MYL7: variants seen among roughly 807,000 people sequenced by gnomAD.
The protein encoded by MYL7 is myosin light chain 7, also known as myosin regulatory light chain 2, atrial isoform.
MYL7 carries 27 observed loss-of-function variants against 22.5 expected under a neutral mutation model. The ratio of observed to expected loss-of-function variants is 1.20; its 90% confidence interval spans 0.89 to 1.66. MYL7 has a LOEUF of 1.66. Ranked by LOEUF, MYL7 falls within the 40% of genes most tolerant of loss-of-function variation. The pLI, the probability that MYL7 is intolerant of heterozygous loss-of-function variation, is 0.00. For synonymous variants in MYL7, 81 were observed against 84.4 expected (o/e 0.96, Z 0.22); for missense variants, 209 against 226.8 (o/e 0.92, Z 0.50).
chr7:44,140,829 TAGGGA>T (rs1420605080), intron 2 of MYL7, 42 bp from the exon 3 acceptor site: 1 of 1,586,256 alleles, frequency 6.3e-7, no homozygotes, highest in Non-Finnish European at 8.6e-7. Flanking sequence ...CCCCCAGCTC[TAGGGA>T]AGGTGGGAGG....
rs745844875 is a variant in MYL7 at position 44,139,603 on chromosome 7, C to T, written c.378-34G>A. The stretch of plus-strand genomic sequence containing the variant: ...TGAGGAGGGTCTGAGCAGGAGACTG[C>T]GGGGGAGTGACTGCACAGGGAAGGT... On this transcript the variant is annotated intron_variant, in intron 5 of 6. Coordinates refer to ENST00000223364, the MANE Select transcript of MYL7 (RefSeq NM_021223.3). The T allele has an allele frequency of 1.3e-4, 202 of 1,588,692 alleles. 1 individual carries two copies. Among genetic ancestry groups the T allele is most frequent in the African/African-American group, 2.7e-5 (2 of 74,038 alleles).
chr7:44,140,244 A>G, intron 4 of MYL7, 79 bp downstream of exon 4: 2 of 1,221,810 alleles, frequency 1.6e-6, no homozygotes, highest in South Asian at 1.2e-5. Flanking sequence ...GGTGGGGTTC[A>G]GGCAGGGTTC....
At position 44,139,089 on chromosome 7, in the gene MYL7, A is replaced by C. The variant is rs146127287; in HGVS notation, c.427-67T>G. 1.8e-4 allele frequency: 228 copies of C among 1,261,326 alleles called. 1 individual carries two copies. The East Asian group carries it at 5.3e-3, about 29-fold the overall frequency. 78.1% of individuals were successfully genotyped at this position (1,261,326 alleles called of 1,614,324 possible). Reference sequence around the variant, plus strand: ...CCCAGCCCGGCAGAGACCTCACCTGAGTCCTGTGGCCTTTCTGTCTGCCCC... The same window carrying C: ...CCCAGCCCGGCAGAGACCTCACCTGCGTCCTGTGGCCTTTCTGTCTGCCCC... On this transcript the variant is annotated intron_variant, in intron 6 of 6. Coordinates refer to ENST00000223364, the MANE Select transcript of MYL7 (RefSeq NM_021223.3).
rs763245152 is a variant in MYL7, at chr7:44,139,528, G to A, written c.419C>T (p.Pro140Leu). Residue 140 changes from proline to leucine, a missense_variant, in exon 6 of 7, where the codon CCA becomes CTA. Transcript: ENST00000223364. ...GGGGCTGGGCAGCCTCACCTCAGCT[G>A]GAGAGAACTTGTCTGCCTGGGTCAG... Reference protein sequence around the residue: ...LLLTQADKFSPAEVEQMFALT... With the variant: ...LLLTQADKFSLAEVEQMFALT... 19 of 1,613,122 alleles carry A rather than the reference G, an allele frequency of 1.2e-5. No individual in the cohort carries two copies. The highest frequency in any genetic ancestry group is 7.7e-5 in the South Asian group (7 of 90,968).
chr7:44,139,671 C>T (rs1287505255), intron 5 of MYL7, 102 bp from the exon 6 acceptor site: 2 of 1,567,878 alleles, frequency 1.3e-6, no homozygotes, highest in Non-Finnish European at 1.7e-6. Flanking sequence ...TTGGCTGCAC[C>T]CCAAAGAGCA....
At position 44,140,353 on chromosome 7, in the gene MYL7, A is replaced by C; in HGVS notation, c.268T>G (p.Phe90Val). 2 of 1,614,004 alleles carry C rather than the reference A, an allele frequency of 1.2e-6. No individual in the cohort carries two copies. The highest frequency in any genetic ancestry group is 1.7e-6 in the Non-Finnish European group (2 of 1,179,972). The change falls in exon 4 of 7, where the codon TTC becomes GTC. Residue 90 changes from phenylalanine to valine, a missense_variant. Physicochemically the swap from Phe to Val is conservative, Grantham distance 50. Coordinates refer to ENST00000223364, the MANE Select transcript of MYL7 (RefSeq NM_021223.3). ...AGCTTCTCCCCAAAGAGCGTGAGGAAGACGGTGAAGTTGATGGGGCCCTTG... is the reference window on the plus strand; with the variant it reads ...AGCTTCTCCCCAAAGAGCGTGAGGACGACGGTGAAGTTGATGGGGCCCTTG... ...EGKGPINFTV[F>V]LTLFGEKLNG...
At position 44,141,272 on chromosome 7, in the gene MYL7, C is replaced by T. The variant is rs192113493; in HGVS notation, c.3+31G>A. On this transcript the variant is annotated intron_variant, in intron 1 of 6. Transcript: ENST00000223364. Reference sequence around the variant, plus strand: ...GCCCAAAGGCCAGCACCTGGGAGACCGCTAGCCTTTCTTCCCCAGCAGGCA... The same window carrying T: ...GCCCAAAGGCCAGCACCTGGGAGACTGCTAGCCTTTCTTCCCCAGCAGGCA... The T allele has an allele frequency of 9.6e-4, 1,548 of 1,614,090 alleles. 11 individuals are homozygous for T. The South Asian group carries it at 0.01, about 11-fold the overall frequency.
chr7:44,140,006 G>A, intron 4 of MYL7, 146 bp from the exon 5 acceptor site: 1 of 791,022 alleles, frequency 1.3e-6, no homozygotes, highest in Non-Finnish European at 1.9e-6. Context: ...GGGGATCAGT[G>A]GGGCTGGGAA....
chr7:44,140,390 C>A lies in MYL7; in HGVS notation c.231G>T (p.Met77Ile), dbSNP rs1201091902. 6.2e-7 allele frequency: 1 copy of A among 1,613,842 alleles called. No individual in the cohort carries two copies. The highest frequency in any genetic ancestry group is 8.5e-7 in the Non-Finnish European group (1 of 1,179,990). Residue 77 changes from methionine (M) to isoleucine (I), a missense_variant, in exon 4 of 7, where the codon ATG (methionine) becomes ATT (isoleucine). Physicochemically the swap from Met to Ile is conservative, Grantham distance 10. Transcript: ENST00000223364. ...TGATGGGGCCCTTGCCCTCTTGCAG[C>A]ATGGCGTCCAGCTCCTCCTCTGGGA... is the stretch of plus-strand genomic sequence containing the variant. ...VSVPEEELDA[M>I]LQEGKGPINF... is the part of the protein sequence containing the mutation.
At position 44,138,972 on chromosome 7, in the gene MYL7, G is replaced by T; in HGVS notation, c.477C>A (p.Asp159Glu). ...LTPMDLAGNI[D>E]YKSLCYIITH... The stretch of plus-strand genomic sequence containing the variant: ...TGATGATGTAGCACAGTGACTTGTA[G>T]TCGATGTTCCCCGCCAGGTCCATGG... The change falls in exon 7 of 7, where the codon GAC (aspartate) becomes GAA (glutamate). Residue 159 changes from aspartate (D) to glutamate (E), a missense_variant. By Grantham distance (45) the Asp-to-Glu change is conservative. Coordinates refer to ENST00000223364, the MANE Select transcript of MYL7 (RefSeq NM_021223.3). 2 of 1,614,104 alleles carry T rather than the reference G, an allele frequency of 1.2e-6. No individual in the cohort carries two copies. Among genetic ancestry groups the T allele is most frequent in the South Asian group, 1.1e-5 (1 of 91,080 alleles).
At chr7:44,139,670 C>T in intron 5 of MYL7, 101 bp from the exon 6 acceptor site, 2 of 1,566,286 alleles carry the variant, frequency 1.3e-6, no homozygotes, top group South Asian at 1.1e-5. Flanking sequence ...GTTGGCTGCA[C>T]CCCAAAGAGC....
chr7:44,141,278 C>T (rs1400679170), intron 1 of MYL7, 25 bp downstream of exon 1: 1 of 1,614,102 alleles, frequency 6.2e-7, no homozygotes, highest in Non-Finnish European at 8.5e-7. Flanking sequence ...AGACCGCTAG[C>T]CTTTCTTCCC....
Position 44,140,982 on chromosome 7 carries a change from G to C in MYL7, c.96C>G (p.Ala32=). 2.5e-6 allele frequency: 4 copies of C among 1,613,906 alleles called. No homozygotes were observed. The highest frequency in any genetic ancestry group is 3.4e-6 in the Non-Finnish European group (4 of 1,179,918). The stretch of plus-strand genomic sequence containing the variant: ...TCACTTCTTTGAACTCCTGTATCTG[G>C]GCTTGTTCAAACATGGAAAAGACGT... The part of the protein sequence containing the change: ...SSNVFSMFEQ[A]QIQEFKEAFS... The change falls in exon 2 of 7, where the codon GCC becomes GCG. Residue 32 remains alanine (A), a synonymous_variant. Coordinates refer to ENST00000223364, the MANE Select transcript of MYL7 (RefSeq NM_021223.3).
intron 6 of MYL7, 84 bp from the exon 7 acceptor site, chr7:44,139,106 G>T: frequency 9.8e-7 from 1 of 1,016,358 alleles, no homozygotes; most frequent in South Asian, 1.3e-5. Context: ...TGGCCTTTCT[G>T]TCTGCCCCCT....
chr7:44,140,697 G>T lies in MYL7; in HGVS notation c.193+15C>A. On this transcript the variant is annotated intron_variant, in intron 3 of 6. Coordinates refer to ENST00000223364, the MANE Select transcript of MYL7 (RefSeq NM_021223.3). ...AGGGACCCCAGTGCGCAGGGTGGGA[G>T]GTGGGTGCACGCACCCAGCTGGGAG... The T allele has an allele frequency of 6.3e-7, 1 of 1,591,790 alleles. No individual in the cohort carries two copies. Among genetic ancestry groups the T allele is most frequent in the Non-Finnish European group, 8.6e-7 (1 of 1,169,298 alleles).
At position 44,139,015 on chromosome 7, in the gene MYL7, T is replaced by C. The variant is rs1309972864; in HGVS notation, c.434A>G (p.Gln145Arg). The C allele has an allele frequency of 6.2e-7, 1 of 1,613,982 alleles. No individual in the cohort carries two copies. The highest frequency in any genetic ancestry group is 8.5e-7 in the Non-Finnish European group (1 of 1,179,882). The change falls in exon 7 of 7, where the codon CAG (glutamine) becomes CGG (arginine). Residue 145 changes from glutamine to arginine, a missense_variant. Transcript: ENST00000223364. ...GTCCATGGGTGTCAGGGCGAACATCTGCTCCACCTGCAGGGGACACTGGTG... is the reference window on the plus strand; with the variant it reads ...GTCCATGGGTGTCAGGGCGAACATCCGCTCCACCTGCAGGGGACACTGGTG... ...ADKFSPAEVE[Q>R]MFALTPMDLA...
At chr7:44,140,676 A>AC (rs1266282750) in intron 3 of MYL7, 36 bp downstream of exon 3, 61 of 1,564,146 alleles carry the variant, frequency 3.9e-5, no homozygotes, top group Non-Finnish European at 5.3e-5. Context: ...CAGAGTAGGG[A>AC]CCCCAGTGCG....
intron 3 of MYL7, 141 bp downstream of exon 3, chr7:44,140,571 G>A: frequency 8.8e-7 from 1 of 1,140,370 alleles, no homozygotes; most frequent in Non-Finnish European, 1.2e-6. Context: ...AGCAAGGCGT[G>A]ACAAGGGGGG....
At chr7:44,140,603 G>A in intron 3 of MYL7, 109 bp downstream of exon 3, 1 of 1,258,486 alleles carries the variant, frequency 7.9e-7, no homozygotes, top group Non-Finnish European at 1.1e-6. Context: ...GAGGAGACGG[G>A]GAGGAGGGGA....
Sources: gnomAD v4.1 joint callset for allele counts on GRCh38, gnomAD v4.1.1 for gene constraint, MANE v1.5 for transcripts, NCBI Gene and HGNC (gene_info 2026-07-23, HGNC 2026-07-21) for gene names.